Variants in PLXDC2 observed in about 807,000 individuals in gnomAD.
PLXDC2 encodes the protein plexin domain-containing protein 2.
A neutral mutation model predicts 68.9 loss-of-function variants in PLXDC2; 40 were observed. The observed-to-expected ratio is 0.58, with a 90% CI of 0.45 to 0.76. PLXDC2 has a LOEUF of 0.76. PLXDC2 is among the 30% of genes least tolerant of loss of function. The probability of loss-of-function intolerance (pLI) is 0.00; values close to 1 mark genes in which losing one functional copy is unlikely to be tolerated. For missense variants in PLXDC2, 644 were observed against 661.9 expected (o/e 0.97, Z 0.30); for synonymous variants, 243 against 234.2 (o/e 1.04, Z -0.34).
chr10:20,068,343 C>A, intron 4 of PLXDC2, 104 bp downstream of exon 4: 2 of 1,012,890 alleles, frequency 2.0e-6, no homozygotes, highest in South Asian at 1.7e-5. Context: ...TTGAGAAAAC[C>A]ATTGTGTTTT....
At chr10:20,276,518 T>C (rs1836008887) in intron 13 of PLXDC2, among the ~76,000 whole-genome samples, 1 of 152,128 alleles carries the variant, frequency 6.6e-6, no homozygotes, top group Non-Finnish European at 1.5e-5. Flanking sequence ...CATAAATAAT[T>C]CTCAGAAATG....
intron 4 of PLXDC2, among the ~76,000 whole-genome samples, chr10:20,139,896 C>G (rs1475732817): frequency 6.6e-6 from 1 of 152,120 alleles, no homozygotes; most frequent in East Asian, 1.9e-4. Context: ...GGAGAAGTAC[C>G]TAATGTAGAT....
intron 1 of PLXDC2, among the ~76,000 whole-genome samples, chr10:19,854,506 C>T (rs1306535762): frequency 3.9e-5 from 6 of 152,136 alleles, no homozygotes; most frequent in African/African-American, 1.4e-4. Flanking sequence ...TTCTACTAGA[C>T]CAGCTGCTAT....
chr10:20,258,956 A>T (rs1835776971), intron 13 of PLXDC2, among the ~76,000 whole-genome samples: 1 of 151,294 alleles, frequency 6.6e-6, no homozygotes, highest in Non-Finnish European at 1.5e-5. Context: ...TGCAGTGAGC[A>T]GAGATCATGC....
At chr10:20,164,597 T>G (rs769899118) in intron 7 of PLXDC2, 30 bp downstream of exon 7, 1 of 1,524,172 alleles carries the variant, frequency 6.6e-7, no homozygotes, top group Non-Finnish European at 9.1e-7. Flanking sequence ...TCGCAATGAG[T>G]GAGCCTCTGT....
intron 1 of PLXDC2, among the ~76,000 whole-genome samples, chr10:19,837,511 T>G (rs574295848): frequency 6.6e-6 from 1 of 151,292 alleles, no homozygotes; most frequent in Non-Finnish European, 1.5e-5. Flanking sequence ...AGATGATAAA[T>G]GGGTGGCTTA....
chr10:20,155,778 T>C (rs1834208678), intron 6 of PLXDC2, among the ~76,000 whole-genome samples: 1 of 152,178 alleles, frequency 6.6e-6, no homozygotes, highest in Non-Finnish European at 1.5e-5. Context: ...TATTCTCCCT[T>C]GATCATGTTC....
chr10:19,827,727 T>C (rs1173638282), intron 1 of PLXDC2, among the ~76,000 whole-genome samples: 1 of 151,960 alleles, frequency 6.6e-6, no homozygotes, highest in African/African-American at 2.4e-5. Context: ...CCCGGCTAAT[T>C]TGTGTATTTT....
intron 4 of PLXDC2, among the ~76,000 whole-genome samples, chr10:20,126,129 T>A (rs1163319141): frequency 6.8e-6 from 1 of 147,410 alleles, no homozygotes; most frequent in Non-Finnish European, 1.5e-5. Context: ...ATAATATATG[T>A]TATATATGTG....
In PLXDC2 at chr10:20,147,776, G is replaced by T; in HGVS notation, c.665-8G>T. 1 of 1,538,986 alleles carries T rather than the reference G, an allele frequency of 6.5e-7. No homozygotes were observed. The highest frequency in any genetic ancestry group is 9.0e-7 in the Non-Finnish European group (1 of 1,113,650). On this transcript the variant is annotated splice_polypyrimidine_tract_variant and splice_region_variant and intron_variant, in intron 5 of 13. Coordinates refer to ENST00000377252, the MANE Select transcript of PLXDC2 (RefSeq NM_032812.9). ...ATTGCATTTCTTCTTTTTTCAATGG[G>T]TGTATAGGCACAGCACTTGTGGTCC...
chr10:19,917,805 C>T (rs530418112), intron 1 of PLXDC2, among the ~76,000 whole-genome samples: 1 of 152,204 alleles, frequency 6.6e-6, no homozygotes, highest in African/African-American at 2.4e-5. Flanking sequence ...AATTAAATGC[C>T]TATATTCTGC....
At chr10:20,233,506 A>G (rs1281011076) in intron 12 of PLXDC2, among the ~76,000 whole-genome samples, 1 of 152,174 alleles carries the variant, frequency 6.6e-6, no homozygotes, top group Non-Finnish European at 1.5e-5. Flanking sequence ...AACTCATTTA[A>G]TCCTCACAGC....
chr10:19,951,428 G>C (rs1357623131), intron 1 of PLXDC2, among the ~76,000 whole-genome samples: 2 of 152,118 alleles, frequency 1.3e-5, no homozygotes, highest in African/African-American at 4.8e-5. Context: ...CTAATCATTA[G>C]AGAAATGCAA....
At chr10:19,888,513 G>A (rs1246223388) in intron 1 of PLXDC2, among the ~76,000 whole-genome samples, 1 of 152,084 alleles carries the variant, frequency 6.6e-6, no homozygotes, top group African/African-American at 2.4e-5. Context: ...GAGGAGTTGG[G>A]AAGAAAAGCA....
intron 4 of PLXDC2, among the ~76,000 whole-genome samples, chr10:20,098,052 C>T (rs1311714715): frequency 6.6e-6 from 1 of 151,386 alleles, no homozygotes; most frequent in Non-Finnish European, 1.5e-5. Context: ...ATATTACTCT[C>T]CTATCAGTTT....
chr10:20,270,776 C>G (rs1835928003), intron 13 of PLXDC2, among the ~76,000 whole-genome samples: 1 of 151,930 alleles, frequency 6.6e-6, no homozygotes, highest in African/African-American at 2.4e-5. Context: ...CCTGCCTCAG[C>G]CTCCCAAAGT....
chr10:20,115,688 C>T (rs934491150), intron 4 of PLXDC2, among the ~76,000 whole-genome samples: 1 of 152,062 alleles, frequency 6.6e-6, no homozygotes, highest in Admixed American at 6.5e-5. Context: ...CCCATACTTC[C>T]CATATCTAAA....
intron 1 of PLXDC2, among the ~76,000 whole-genome samples, chr10:19,980,576 G>C (rs1463655254): frequency 1.3e-5 from 2 of 152,110 alleles, no homozygotes; most frequent in Non-Finnish European, 2.9e-5. Context: ...TCCTTGGTTT[G>C]GGCCAGACAT....
At chr10:20,166,876 G>A (rs534185671) in intron 7 of PLXDC2, among the ~76,000 whole-genome samples, 6 of 151,978 alleles carry the variant, frequency 3.9e-5, no homozygotes, top group African/African-American at 1.4e-4. Context: ...ACGTGTTGGG[G>A]GAAAAATATT....
Sources: gnomAD v4.1 joint callset for allele counts (sites outside exome capture counted in the v4.1 genomes callset) on GRCh38, gnomAD v4.1.1 for gene constraint, MANE v1.5 for transcripts, NCBI Gene and HGNC (gene_info 2026-07-23, HGNC 2026-07-21) for gene names.